Variants in MRPL43 observed in about 807,000 individuals in gnomAD.
MRPL43 encodes the protein mitochondrial ribosomal protein L43.
MRPL43 carries 9 observed loss-of-function variants against 12.7 expected under a neutral mutation model. The observed-to-expected ratio is 0.71, with a 90% CI of 0.43 to 1.24. The LOEUF is 1.24. Ranked by LOEUF, MRPL43 falls within the 50% of genes most tolerant of loss-of-function variation. MRPL43 has a pLI of 0.00. For missense variants in MRPL43, 211 were observed against 229.2 expected (o/e 0.92, Z 0.51); for synonymous variants, 116 against 96.4 (o/e 1.20, Z -1.19).
rs775396035 is a variant in MRPL43, at chr10:100,987,464, G to A, written c.-21C>T. 21 of 1,610,542 alleles carry A rather than the reference G, an allele frequency of 1.3e-5. No homozygotes were observed. The African/African-American group carries it at 1.5e-4, about 11-fold the overall frequency. ...GTCATAGCTACAGCTTGGAGGCCGC[G>A]GAGCCTAAGCAGCGAGGAGAGGGGG... On this transcript the variant is annotated 5_prime_UTR_variant, in exon 1 of 3. Transcript: ENST00000318364.
rs1851473689 is a variant in MRPL43, at chr10:100,986,438, G to A, written c.*296C>T. 3.3e-6 allele frequency: 5 copies of A among 1,519,170 alleles called. No homozygotes were observed. The highest frequency in any genetic ancestry group is 4.4e-6 in the Non-Finnish European group (5 of 1,134,964). 94.1% of individuals were successfully genotyped at this position (1,519,170 alleles called of 1,614,324 possible). On this transcript the variant is annotated 3_prime_UTR_variant, in exon 3 of 3. Coordinates refer to ENST00000318364, the MANE Select transcript of MRPL43 (RefSeq NM_032112.3). ...CTTCAGACCTCTCACTGTGTTTTGA[G>A]ATCATTATTATCAATTTGGATTTAA...
At chr10:100,979,721 C>G, downstream of MRPL43, 2 of 1,082,060 alleles carry the variant, frequency 1.8e-6, no homozygotes, top group South Asian at 2.8e-5. Flanking sequence ...CACTGACTCA[C>G]AGGAGAGGCC....
At chr10:100,978,615 G>C (rs755117958), downstream of MRPL43, 1 of 1,614,062 alleles carries the variant, frequency 6.2e-7, no homozygotes, top group South Asian at 1.1e-5. Context: ...TGAGAACTGA[G>C]GAGACACCAA....
At chr10:100,979,152 GAAAGCC>G, downstream of MRPL43, 1 of 1,614,168 alleles carries the variant, frequency 6.2e-7, no homozygotes, top group Non-Finnish European at 8.5e-7. Flanking sequence ...CTTCCTTCCT[GAAAGCC>G]CGTCTCATCT....
chr10:100,978,580 C>T (rs188609242), downstream of MRPL43: 17 of 1,614,130 alleles, frequency 1.1e-5, no homozygotes, highest in East Asian at 2.2e-5. Flanking sequence ...TCCTGACATC[C>T]GCCGGAGCCG....
downstream of MRPL43, chr10:100,978,778 G>A: frequency 6.3e-7 from 1 of 1,577,256 alleles, no homozygotes; most frequent in Non-Finnish European, 8.7e-7. Context: ...TCAAGTGAGG[G>A]GTCAGCCTCA....
chr10:100,978,352 T>C (rs1326652882), downstream of MRPL43: 2 of 1,613,552 alleles, frequency 1.2e-6, no homozygotes, highest in Non-Finnish European at 1.7e-6. Flanking sequence ...GAAGTGTCCT[T>C]ATGACCCAGC....
chr10:100,984,593 G>A (rs556345883), downstream of MRPL43: 7 of 1,536,202 alleles, frequency 4.6e-6, no homozygotes, highest in African/African-American at 9.6e-5. Context: ...AGCCACCTAA[G>A]CCCTGCGTAC....
downstream of MRPL43, chr10:100,979,072 G>A (rs2133877389): frequency 6.2e-7 from 1 of 1,613,160 alleles, no homozygotes; most frequent in Non-Finnish European, 8.5e-7. Flanking sequence ...TCTGACCCTG[G>A]CCCCTTATCC....
downstream of MRPL43, chr10:100,981,359 CAG>C: frequency 6.2e-7 from 1 of 1,607,774 alleles, no homozygotes; most frequent in East Asian, 2.2e-5. Context: ...GACTCAAACA[CAG>C]AGCCTGGCAC....
At chr10:100,984,054 G>A (rs1386472605), downstream of MRPL43, 8 of 1,613,554 alleles carry the variant, frequency 5.0e-6, no homozygotes, top group South Asian at 1.1e-5. Context: ...CTGCTCCTTC[G>A]CCGAGGAACT....
chr10:100,986,851 G>A lies in MRPL43; in HGVS notation c.363C>T (p.Thr121=), dbSNP rs1851510784. The A allele has an allele frequency of 6.2e-7, 1 of 1,613,834 alleles. No homozygotes were observed. The highest frequency in any genetic ancestry group is 8.5e-7 in the Non-Finnish European group (1 of 1,180,048). Residue 121 remains threonine, a synonymous_variant, in exon 3 of 3, where the codon ACC becomes ACT. Coordinates refer to ENST00000318364, the MANE Select transcript of MRPL43 (RefSeq NM_032112.3). ...DVIRIRKPFH[T]DNPSIQGQWH... ...ACTGGCCCTGGATGCTAGGGTTGTCGGTGTGGAAGGGCTTGCGGATGCGGA... is the reference window on the plus strand; with the variant it reads ...ACTGGCCCTGGATGCTAGGGTTGTCAGTGTGGAAGGGCTTGCGGATGCGGA...
chr10:100,985,872 C>T (rs941547376), downstream of MRPL43: 1 of 152,398 alleles, frequency 6.6e-6, no homozygotes, highest in African/African-American at 2.4e-5. Flanking sequence ...TTCAAGAATT[C>T]TTACAGGGGT....
chr10:100,981,544 C>G (rs1411459591), downstream of MRPL43: 13 of 1,613,810 alleles, frequency 8.1e-6, no homozygotes, highest in African/African-American at 1.3e-5. Context: ...GAACTGATAT[C>G]TGAAGAAAGA....
At chr10:100,978,700 C>T (rs1850912687), downstream of MRPL43, 1 of 1,568,090 alleles carries the variant, frequency 6.4e-7, no homozygotes, top group Non-Finnish European at 8.8e-7. Flanking sequence ...ATTTTTACTC[C>T]CTTGGCCAGC....
downstream of MRPL43, chr10:100,979,069 C>A: frequency 6.2e-7 from 1 of 1,613,138 alleles, no homozygotes; most frequent in South Asian, 1.1e-5. Flanking sequence ...ACCTCTGACC[C>A]TGGCCCCTTA....
downstream of MRPL43, chr10:100,981,215 G>T (rs1279237287): frequency 2.5e-6 from 4 of 1,614,196 alleles, no homozygotes; most frequent in Admixed American, 6.7e-5. Context: ...GGCTGTGAGA[G>T]CAGCAGGGAT....
At chr10:100,980,841 C>T (rs1261588998), downstream of MRPL43, 4 of 1,585,942 alleles carry the variant, frequency 2.5e-6, no homozygotes, top group Non-Finnish European at 3.4e-6. Flanking sequence ...TATGTGGGGG[C>T]TCCTAGCGGA....
chr10:100,978,881 G>C (rs1303651661), downstream of MRPL43: 2 of 1,614,074 alleles, frequency 1.2e-6, no homozygotes, highest in Non-Finnish European at 1.7e-6. Flanking sequence ...CCTCGTGCGG[G>C]AGAGCAAGGC....
Sources: gnomAD v4.1 joint callset for allele counts on GRCh38, gnomAD v4.1.1 for gene constraint, MANE v1.5 for transcripts, NCBI Gene and HGNC (gene_info 2026-07-23, HGNC 2026-07-21) for gene names.